SARS1: variants seen among roughly 807,000 people sequenced by gnomAD.
SARS1 encodes the protein seryl-tRNA synthetase 1.
A neutral mutation model predicts 63.7 loss-of-function variants in SARS1; 25 were observed. That is an observed-to-expected ratio of 0.39 (90% CI 0.29 to 0.55). The LOEUF (loss-of-function observed/expected upper bound fraction) is 0.55, where lower values mean the gene tolerates loss of function less well. SARS1 is among the 20% of genes least tolerant of loss of function. The probability of loss-of-function intolerance (pLI) is 0.62; values close to 1 mark genes in which losing one functional copy is unlikely to be tolerated. For synonymous variants in SARS1, 231 were observed against 243.5 expected (o/e 0.95, Z 0.48); for missense variants, 417 against 649.7 (o/e 0.64, Z 3.89).
Position 109,214,468 on chromosome 1 carries a change from C to G in SARS1, c.136+340C>G. On this transcript the variant is annotated intron_variant, in intron 1 of 10. Transcript: ENST00000234677. The surrounding 1 kb of genome is among the most constrained non-coding windows in gnomAD (Gnocchi z 4.6). ...GAGGTTGTGGGGTCTACGCGGCTTT[C>G]CTAACACGAATCTTTGGTCCCCCCC... 4.0e-6 allele frequency: 4 copies of G among 995,078 alleles called. No individual in the cohort carries two copies. Among genetic ancestry groups the G allele is most frequent in the Non-Finnish European group, 4.9e-6 (4 of 811,028 alleles). The allele number at this position is 995,078 out of a possible 1,614,324, so 61.6% of individuals were successfully genotyped here.
intron 1 of SARS1, chr1:109,215,728 C>A: frequency 5.8e-6 from 5 of 865,620 alleles, no homozygotes; most frequent in Non-Finnish European, 6.9e-6. Context: ...GTTTTTGAGA[C>A]GGAGTCTCTC....
chr1:109,222,284 G>GAT (rs1654966708), intron 1 of SARS1, among the ~76,000 whole-genome samples: 1 of 151,904 alleles, frequency 6.6e-6, no homozygotes, highest in Non-Finnish European at 1.5e-5. Context: ...TTTCCCCAAT[G>GAT]ATAACATCTT....
intron 4 of SARS1, among the ~76,000 whole-genome samples, chr1:109,230,041 A>T (rs917472759): frequency 1.3e-5 from 2 of 152,022 alleles, no homozygotes; most frequent in African/African-American, 2.4e-5. Context: ...TCTTTCATTC[A>T]TTCCCTGGTG....
At chr1:109,215,120 T>C (rs1654755614) in intron 1 of SARS1, 2 of 985,342 alleles carry the variant, frequency 2.0e-6, no homozygotes, top group Admixed American at 6.1e-5. Context: ...TTTATAAGGA[T>C]CTTGGATGTC....
At chr1:109,216,167 C>T in intron 1 of SARS1, 1 of 985,406 alleles carries the variant, frequency 1.0e-6, no homozygotes, top group Non-Finnish European at 1.2e-6. Context: ...ACATCTTGAA[C>T]TTCAGATCAG....
At chr1:109,230,783 T>C in intron 4 of SARS1, 95 bp from the exon 5 acceptor site, 5 of 1,145,932 alleles carry the variant, frequency 4.4e-6, no homozygotes, top group Non-Finnish European at 6.0e-6. Flanking sequence ...CCAGCCTGGA[T>C]GACGGCGTAA....
At chr1:109,223,877 G>A in intron 1 of SARS1, 101 bp from the exon 2 acceptor site, 1 of 827,428 alleles carries the variant, frequency 1.2e-6, no homozygotes, top group Non-Finnish European at 2.1e-6. Context: ...CCGGCATTTG[G>A]GCCTTAACCT....
intron 6 of SARS1, among the ~76,000 whole-genome samples, chr1:109,234,170 C>T (rs982361551): frequency 2.0e-5 from 3 of 150,826 alleles, no homozygotes; most frequent in South Asian, 2.1e-4. Context: ...TGAGCCATTA[C>T]GCCTGGCCAC....
intron 2 of SARS1, among the ~76,000 whole-genome samples, chr1:109,226,267 T>C (rs3120625): frequency 0.31 from 46,835 of 151,428 alleles, 7,631 homozygotes; most frequent in East Asian, 0.47. Flanking sequence ...AGTGGAGTTA[T>C]GGTTAGAATT....
Position 109,237,252 on chromosome 1 carries a change from T to C in SARS1, c.1266T>C (p.Phe422=). Residue 422 remains phenylalanine, a synonymous_variant, in exon 10 of 11, where the codon TTT becomes TTC. Coordinates refer to ENST00000234677, the MANE Select transcript of SARS1 (RefSeq NM_006513.4). This position sits in a 1 kb window ranked among gnomAD's most constrained non-coding sequence, Gnocchi z 4.1. ...QTKKMMDKVE[F]VHMLNATMCA... ...GGACCCTGTCTTCCCAGGTGGAGTT[T>C]GTCCATATGCTCAATGCTACCATGT... 1.2e-6 allele frequency: 2 copies of C among 1,610,986 alleles called. No homozygotes were observed. The highest frequency in any genetic ancestry group is 1.7e-6 in the Non-Finnish European group (2 of 1,178,900).
At chr1:109,231,902 C>T (rs748569856) in intron 6 of SARS1, 116 bp downstream of exon 6, 79 of 879,694 alleles carry the variant, frequency 9.0e-5, no homozygotes, top group Non-Finnish European at 1.2e-4. Context: ...CGTTCTCTCT[C>T]TGTGACTCTT....
chr1:109,219,172 A>G, intron 1 of SARS1, among the ~76,000 whole-genome samples: 1 of 149,382 alleles, frequency 6.7e-6, no homozygotes, highest in South Asian at 2.1e-4. Context: ...AGGCTGAGGC[A>G]GGAGAATGGC....
chr1:109,215,949 C>T (rs575073251), intron 1 of SARS1: 1 of 761,478 alleles, frequency 1.3e-6, no homozygotes, highest in South Asian at 6.0e-5. Flanking sequence ...AGTGATCCGC[C>T]TGCCTCAGCC....
chr1:109,217,060 A>G, intron 1 of SARS1: 3 of 985,428 alleles, frequency 3.0e-6, no homozygotes, highest in Non-Finnish European at 3.6e-6. Context: ...TAATCTTTCT[A>G]GAATGCAAAT....
At chr1:109,229,322 T>C (rs1010359074) in intron 3 of SARS1, 92 bp from the exon 4 acceptor site, 3 of 1,320,318 alleles carry the variant, frequency 2.3e-6, no homozygotes, top group East Asian at 4.6e-5. Context: ...GGGCTATCTT[T>C]AGAGCACAAC....
chr1:109,233,044 TC>T (rs1655239714), intron 6 of SARS1, among the ~76,000 whole-genome samples: 1 of 152,196 alleles, frequency 6.6e-6, no homozygotes, highest in African/African-American at 2.4e-5. Flanking sequence ...AATAGAACTT[TC>T]TGCACTGATG....
At chr1:109,227,125 G>A (rs1307935086) in intron 2 of SARS1, among the ~76,000 whole-genome samples, 3 of 151,162 alleles carry the variant, frequency 2.0e-5, no homozygotes, top group Non-Finnish European at 4.4e-5. Context: ...CTCCCGAGTA[G>A]TTGGGATTAC....
chr1:109,219,573 C>T (rs1055605668), intron 1 of SARS1, among the ~76,000 whole-genome samples: 20 of 150,530 alleles, frequency 1.3e-4, no homozygotes, highest in Middle Eastern at 3.4e-3. Context: ...TGTGCAGTGG[C>T]GTGATCTCAG....
chr1:109,236,754 A>G, intron 9 of SARS1: 2 of 1,552,676 alleles, frequency 1.3e-6, no homozygotes, highest in Non-Finnish European at 8.7e-7. Context: ...GCTCTCTTCT[A>G]TAAGGTAATT....
Sources: allele counts gnomAD v4.1 joint callset (sites outside exome capture counted in the v4.1 genomes callset), GRCh38; gene constraint gnomAD v4.1.1; non-coding constraint Gnocchi (gnomAD v3.1); transcripts MANE v1.5; gene names NCBI Gene and HGNC (gene_info 2026-07-23, HGNC 2026-07-21).